PPARGC1A: variants seen among roughly 807,000 people sequenced by gnomAD.
The protein encoded by PPARGC1A is peroxisome proliferator-activated receptor gamma coactivator 1-alpha.
Under a neutral mutation model 88.7 loss-of-function variants are expected in PPARGC1A, and 25 were observed. That is an observed-to-expected ratio of 0.28 (90% CI 0.21 to 0.39). PPARGC1A has a LOEUF of 0.39. PPARGC1A is among the 10% of genes least tolerant of loss of function. The pLI is 1.00. For synonymous variants in PPARGC1A, 363 were observed against 355.6 expected (o/e 1.02, Z -0.24); for missense variants, 880 against 968.7 (o/e 0.91, Z 1.22).
chr4:24,391,820 G>A, the PPARGC1A span, among the ~76,000 whole-genome samples: 3 of 151,910 alleles, frequency 2.0e-5, no homozygotes, highest in African/African-American at 7.2e-5. Flanking sequence ...CAGAATAATT[G>A]TATTGCTGTA....
chr4:23,804,264 C>T (rs1217558508), intron 10 of PPARGC1A, among the ~76,000 whole-genome samples: 6 of 152,090 alleles, frequency 3.9e-5, no homozygotes, highest in African/African-American at 1.4e-4. Context: ...CACCATCTAG[C>T]CAGTTATTTA....
At chr4:24,003,402 T>A in the PPARGC1A span, among the ~76,000 whole-genome samples, 3 of 152,224 alleles carry the variant, frequency 2.0e-5, no homozygotes, top group South Asian at 6.2e-4. Context: ...GTAGAATAGA[T>A]GAAATAATAG....
At chr4:23,842,620 C>T (rs970820020) in intron 2 of PPARGC1A, among the ~76,000 whole-genome samples, 2 of 152,064 alleles carry the variant, frequency 1.3e-5, no homozygotes, top group Non-Finnish European at 2.9e-5. Flanking sequence ...GAATGCTTAA[C>T]AGCATCCCTG....
At chr4:24,156,568 A>AT in the PPARGC1A span, among the ~76,000 whole-genome samples, 2 of 152,052 alleles carry the variant, frequency 1.3e-5, no homozygotes, top group African/African-American at 2.4e-5. Context: ...GAGTATATGC[A>AT]TTTTTTTGCT....
the PPARGC1A span, among the ~76,000 whole-genome samples, chr4:24,256,446 A>T: frequency 6.6e-6 from 1 of 152,220 alleles, no homozygotes; most frequent in Admixed American, 6.5e-5. Flanking sequence ...AATGACAGTT[A>T]GTAAACAGGA....
At chr4:24,113,498 T>C in the PPARGC1A span, among the ~76,000 whole-genome samples, 1 of 152,176 alleles carries the variant, frequency 6.6e-6, no homozygotes, top group South Asian at 2.1e-4. Context: ...ACTTTCTCTG[T>C]GCATAGAGAA....
At chr4:24,419,869 A>G in the PPARGC1A span, among the ~76,000 whole-genome samples, 3 of 152,236 alleles carry the variant, frequency 2.0e-5, no homozygotes, top group African/African-American at 7.2e-5. Context: ...ATGCATCCTC[A>G]TACAAACTCA....
At chr4:23,961,307 G>A in the PPARGC1A span, among the ~76,000 whole-genome samples, 1 of 152,142 alleles carries the variant, frequency 6.6e-6, no homozygotes, top group South Asian at 2.1e-4. Flanking sequence ...GAGGATCAGG[G>A]AAGAGTAATG....
At chr4:24,298,661 A>G in the PPARGC1A span, among the ~76,000 whole-genome samples, 1 of 152,178 alleles carries the variant, frequency 6.6e-6, no homozygotes, top group Non-Finnish European at 1.5e-5. Context: ...TAGGTTAGGA[A>G]CTGAACACAT....
the PPARGC1A span, among the ~76,000 whole-genome samples, chr4:23,927,907 A>G: frequency 1.3e-5 from 2 of 152,148 alleles, no homozygotes; most frequent in African/African-American, 2.4e-5. Flanking sequence ...ACTTTAACCA[A>G]TCAGAATGCA....
chr4:23,995,205 G>C, the PPARGC1A span, among the ~76,000 whole-genome samples: 1 of 151,882 alleles, frequency 6.6e-6, no homozygotes, highest in African/African-American at 2.4e-5. Flanking sequence ...AATATCTTGG[G>C]CTACACAGTA....
the PPARGC1A span, among the ~76,000 whole-genome samples, chr4:24,431,029 G>A: frequency 2.7e-5 from 4 of 150,694 alleles, no homozygotes; most frequent in Admixed American, 1.3e-4. Context: ...GGAGGTTGAC[G>A]TGGGAGAATC....
chr4:23,984,998 C>T, the PPARGC1A span, among the ~76,000 whole-genome samples: 1 of 152,092 alleles, frequency 6.6e-6, no homozygotes, highest in East Asian at 1.9e-4. Context: ...GGCTGACAAA[C>T]ATTTCAGAGT....
the PPARGC1A span, among the ~76,000 whole-genome samples, chr4:24,471,196 C>T: frequency 6.6e-6 from 1 of 151,940 alleles, no homozygotes; most frequent in African/African-American, 2.4e-5. The surrounding 1 kb of genome is among the most constrained non-coding windows in gnomAD (Gnocchi z 5.4). Flanking sequence ...GCGCGCTCCG[C>T]GGGGCCCGGG....
chr4:24,220,259 T>C, the PPARGC1A span, among the ~76,000 whole-genome samples: 3 of 152,206 alleles, frequency 2.0e-5, no homozygotes, highest in South Asian at 2.1e-4. Context: ...AAGGGAATGC[T>C]TATACACTGT....
upstream of PPARGC1A, among the ~76,000 whole-genome samples, chr4:23,892,314 A>T (rs912384626): frequency 6.6e-6 from 1 of 152,176 alleles, no homozygotes; most frequent in Non-Finnish European, 1.5e-5. Context: ...AGAGGATGGA[A>T]TTCAGAAGTA....
Position 23,829,593 on chromosome 4 carries a change from C to T in PPARGC1A, c.430-8G>A, listed in dbSNP as rs759143650. 1.8e-5 allele frequency: 29 copies of T among 1,607,474 alleles called. No homozygotes were observed. Among genetic ancestry groups the T allele is most frequent in the Non-Finnish European group, 2.3e-5 (27 of 1,175,978 alleles). On this transcript the variant is annotated splice_polypyrimidine_tract_variant and splice_region_variant and intron_variant, in intron 3 of 12. Coordinates refer to ENST00000264867, the MANE Select transcript of PPARGC1A (RefSeq NM_013261.5). ...CAGTAAGAGCTTCTTAAGCTAGAAACATTATCAGGGAAAGGGAAAAGCAAG... is the reference window on the plus strand; with the variant it reads ...CAGTAAGAGCTTCTTAAGCTAGAAATATTATCAGGGAAAGGGAAAAGCAAG...
intron 7 of PPARGC1A, among the ~76,000 whole-genome samples, chr4:23,823,905 G>A (rs1723444906): frequency 6.6e-6 from 1 of 152,062 alleles, no homozygotes; most frequent in Non-Finnish European, 1.5e-5. Flanking sequence ...CTTGTTTAAT[G>A]TACTGTTCCT....
At chr4:24,467,428 G>T in the PPARGC1A span, among the ~76,000 whole-genome samples, 9 of 152,108 alleles carry the variant, frequency 5.9e-5, no homozygotes, top group Non-Finnish European at 1.2e-4. Flanking sequence ...GATATTTTTT[G>T]AACTTTGAGG....
Sources: gnomAD v4.1 joint callset for allele counts (sites outside exome capture counted in the v4.1 genomes callset) on GRCh38, gnomAD v4.1.1 for gene constraint, Gnocchi (gnomAD v3.1) non-coding constraint, MANE v1.5 for transcripts, NCBI Gene and HGNC (gene_info 2026-07-23, HGNC 2026-07-21) for gene names.